The following POU2AF1 variants were observed in gnomAD, a reference collection of about 807,000 sequenced individuals.
The protein encoded by POU2AF1 is POU class 2 homeobox associating factor 1.
Under a neutral mutation model 26.3 loss-of-function variants are expected in POU2AF1, and 12 were observed. The observed-to-expected ratio is 0.46, with a 90% CI of 0.29 to 0.74. The LOEUF (loss-of-function observed/expected upper bound fraction) is 0.74, where lower values mean the gene tolerates loss of function less well. POU2AF1 is among the 30% of genes least tolerant of loss of function. POU2AF1 has a pLI of 0.09. For missense variants in POU2AF1, 297 were observed against 334.5 expected (o/e 0.89, Z 0.87); for synonymous variants, 175 against 148.0 (o/e 1.18, Z -1.32).
Position 111,357,781 on chromosome 11 carries a change from C to T in POU2AF1, c.190+14G>A, listed in dbSNP as rs751961942. 29 of 1,612,882 alleles carry T rather than the reference C, an allele frequency of 1.8e-5. No individual in the cohort carries two copies. Among genetic ancestry groups the T allele is most frequent in the Non-Finnish European group, 2.2e-5 (26 of 1,179,536 alleles). On this transcript the variant is annotated intron_variant, in intron 3 of 4. Coordinates refer to ENST00000393067, the MANE Select transcript of POU2AF1 (RefSeq NM_006235.3). The stretch of plus-strand genomic sequence containing the variant: ...AGAGGCCTGGGGGCCACCAGGGCTA[C>T]GGGGCACTCTTACCCACTGTGGTGT...
At chr11:111,356,923 A>C (rs895274609) in intron 4 of POU2AF1, among the ~76,000 whole-genome samples, 1 of 152,232 alleles carries the variant, frequency 6.6e-6, no homozygotes, top group African/African-American at 2.4e-5. Context: ...GGATTTGAAC[A>C]AGGCAATCTG....
chr11:111,367,042 G>C (rs1165506236), intron 1 of POU2AF1, among the ~76,000 whole-genome samples: 1 of 152,224 alleles, frequency 6.6e-6, no homozygotes, highest in South Asian at 2.1e-4. Flanking sequence ...TGGGTGTCCC[G>C]CCCCACAACC....
intron 1 of POU2AF1, among the ~76,000 whole-genome samples, chr11:111,372,053 C>G (rs200848030): frequency 0.58 from 74,463 of 127,494 alleles, 21,150 homozygotes; most frequent in Admixed American, 0.69. Context: ...CACACACACA[C>G]ACACACACAC....
At chr11:111,363,277 C>T (rs891586628) in intron 1 of POU2AF1, 34 of 1,023,390 alleles carry the variant, frequency 3.3e-5, no homozygotes, top group Non-Finnish European at 3.9e-5. Flanking sequence ...CTGTAACTGA[C>T]TCCAGCTGAG....
At position 111,358,706 on chromosome 11, in the gene POU2AF1, A is replaced by G. The variant is rs567708380; in HGVS notation, c.147+82T>C. The G allele has an allele frequency of 5.4e-6, 8 of 1,480,008 alleles. No homozygotes were observed. In the Admixed American group the frequency reaches 1.2e-4, roughly 22 times the overall value. 91.7% of individuals were successfully genotyped at this position (1,480,008 alleles called of 1,614,324 possible). ...CACACGCATACACATACTCACACAC[A>G]CATACACTCTCACACTATCCCTGAC... On this transcript the variant is annotated intron_variant, in intron 2 of 4. Coordinates refer to ENST00000393067, the MANE Select transcript of POU2AF1 (RefSeq NM_006235.3).
Position 111,357,778 on chromosome 11 carries a change from C to G in POU2AF1, c.190+17G>C, listed in dbSNP as rs1174595674. Reference sequence around the variant, plus strand: ...ATGAGAGGCCTGGGGGCCACCAGGGCTACGGGGCACTCTTACCCACTGTGG... The same window carrying G: ...ATGAGAGGCCTGGGGGCCACCAGGGGTACGGGGCACTCTTACCCACTGTGG... On this transcript the variant is annotated intron_variant, in intron 3 of 4. Transcript: ENST00000393067. 8 of 1,612,696 alleles carry G rather than the reference C, an allele frequency of 5.0e-6. No homozygotes were observed. Among genetic ancestry groups the G allele is most frequent in the Non-Finnish European group, 6.8e-6 (8 of 1,179,498 alleles).
chr11:111,360,286 G>A (rs1397515757), intron 1 of POU2AF1, among the ~76,000 whole-genome samples: 1 of 152,172 alleles, frequency 6.6e-6, no homozygotes, highest in East Asian at 1.9e-4. Flanking sequence ...AGGGACCTGG[G>A]CTCTGAATCA....
intron 1 of POU2AF1, among the ~76,000 whole-genome samples, chr11:111,362,766 G>GGGA (rs1475213398): frequency 6.6e-6 from 1 of 152,132 alleles, no homozygotes; most frequent in African/African-American, 2.4e-5. Flanking sequence ...GGGTTACTTG[G>GGGA]GGGGGTCTGA....
intron 1 of POU2AF1, among the ~76,000 whole-genome samples, chr11:111,368,774 C>T (rs957023381): frequency 2.6e-5 from 4 of 152,216 alleles, no homozygotes; most frequent in African/African-American, 9.7e-5. Context: ...CATTGTGTGC[C>T]TCAGTTTCCC....
In POU2AF1 at chr11:111,372,049, C is replaced by CAGAGAGAG. The variant is rs1159443371; in HGVS notation, c.16+7112_16+7113insCTCTCTCT. Reference sequence around the variant, plus strand: ...ACAAATACACACACACACACACACACACACACACACACACACACACAGAGA... The same window carrying CAGAGAGAG: ...ACAAATACACACACACACACACACACAGAGAGAGACACACACACACACACACACAGAGA... On this transcript the variant is annotated intron_variant, in intron 1 of 4. Transcript: ENST00000393067. Among the ~76,000 whole-genome samples the CAGAGAGAG allele has an allele frequency of 1.2e-3, 155 of 132,516 alleles. 5 individuals carry two copies. The highest frequency in any genetic ancestry group is 3.9e-3 in the Middle Eastern group (1 of 258). The allele number at this position is 132,516 out of a possible 152,430, so 86.9% of individuals were successfully genotyped here.
intron 1 of POU2AF1, among the ~76,000 whole-genome samples, chr11:111,378,098 T>A (rs1861344100): frequency 6.6e-6 from 1 of 152,218 alleles, no homozygotes; most frequent in African/African-American, 2.4e-5. Context: ...AATAAATTGG[T>A]GATGACAGTG....
intron 4 of POU2AF1, among the ~76,000 whole-genome samples, chr11:111,354,859 G>C (rs548104968): frequency 6.6e-6 from 1 of 152,312 alleles, no homozygotes; most frequent in East Asian, 1.9e-4. Flanking sequence ...AATACAAACA[G>C]TAATGAACTC....
At chr11:111,358,366 A>T (rs1186451132) in intron 2 of POU2AF1, among the ~76,000 whole-genome samples, 6 of 106,152 alleles carry the variant, frequency 5.7e-5, no homozygotes, top group African/African-American at 1.0e-4. Flanking sequence ...ACTCTCACAC[A>T]CTCACACACT....
intron 1 of POU2AF1, chr11:111,363,819 T>C (rs757789703): frequency 3.8e-4 from 371 of 985,126 alleles, no homozygotes; most frequent in Non-Finnish European, 4.3e-4. Flanking sequence ...CCTCAAAGCC[T>C]GAAGCTTTCT....
intron 1 of POU2AF1, chr11:111,363,411 G>T (rs1294202949): frequency 3.0e-6 from 3 of 1,015,880 alleles, no homozygotes; most frequent in African/African-American, 1.7e-5. Context: ...GTTGAAACTT[G>T]CAGTTGGTAC....
At chr11:111,356,662 G>A (rs556933944) in intron 4 of POU2AF1, among the ~76,000 whole-genome samples, 21 of 152,206 alleles carry the variant, frequency 1.4e-4, no homozygotes, top group African/African-American at 3.1e-4. Context: ...CTTCATTCCC[G>A]GGGGAAGAGG....
intron 1 of POU2AF1, 147 bp downstream of exon 1, chr11:111,379,015 C>A (rs77260890): frequency 0.025 from 11,389 of 453,930 alleles, 165 homozygotes; most frequent in Middle Eastern, 0.063. Context: ...CACCTCCCCC[C>A]TCCCTGCTCC....
chr11:111,363,492 G>T (rs1861049698), intron 1 of POU2AF1: 2 of 1,007,008 alleles, frequency 2.0e-6, no homozygotes, highest in South Asian at 9.3e-5. Context: ...GCTCCCTACT[G>T]CCACCAGCAT....
intron 1 of POU2AF1, chr11:111,363,953 C>T (rs1241964137): frequency 2.7e-5 from 27 of 985,222 alleles, no homozygotes; most frequent in South Asian, 1.9e-4. Flanking sequence ...TCTCCTTTTT[C>T]GGGCTGAGAA....
Sources: gnomAD v4.1 joint callset for allele counts (sites outside exome capture counted in the v4.1 genomes callset) on GRCh38, gnomAD v4.1.1 for gene constraint, MANE v1.5 for transcripts, NCBI Gene and HGNC (gene_info 2026-07-23, HGNC 2026-07-21) for gene names.